The following CNTN4 variants were observed in gnomAD, a reference collection of about 807,000 sequenced individuals.
The protein encoded by CNTN4 is contactin-4.
Under a neutral mutation model 122.5 loss-of-function variants are expected in CNTN4, and 77 were observed. The ratio of observed to expected loss-of-function variants is 0.63; its 90% CI spans 0.52 to 0.76. The LOEUF (loss-of-function observed/expected upper bound fraction) is 0.76, where lower values mean the gene tolerates loss of function less well. CNTN4 is among the 30% of genes least tolerant of loss of function. The probability of loss-of-function intolerance (pLI) is 0.00; values close to 1 mark genes in which losing one functional copy is unlikely to be tolerated. For synonymous variants in CNTN4, 512 were observed against 447.0 expected (o/e 1.15, Z -1.83); for missense variants, 1,256 against 1,259.1 (o/e 1.00, Z 0.04).
chr3:3,039,137 C>T (rs1286553871), intron 19 of CNTN4, 134 bp downstream of exon 19: 2 of 782,912 alleles, frequency 2.6e-6, no homozygotes, highest in Admixed American at 2.0e-5. Context: ...CAGACACTCC[C>T]TCTCACGTAG....
At chr3:2,692,244 A>G (rs938657094) in intron 4 of CNTN4, among the ~76,000 whole-genome samples, 2 of 152,234 alleles carry the variant, frequency 1.3e-5, no homozygotes, top group Non-Finnish European at 2.9e-5. Flanking sequence ...AAAGTTGGCA[A>G]GAAGCAGCTT....
intron 2 of CNTN4, among the ~76,000 whole-genome samples, chr3:2,260,481 A>C (rs1483266758): frequency 6.6e-6 from 1 of 152,162 alleles, no homozygotes; most frequent in Non-Finnish European, 1.5e-5. Flanking sequence ...AGATTTAAGA[A>C]CAATAGAAAA....
At position 2,687,087 on chromosome 3, in the gene CNTN4, A is replaced by G. The variant is rs187836739; in HGVS notation, c.56-49128A>G. ...GGCAGACTTTAAATAGGGAACAGTG[A>G]TTTTTCTTCAGCCTAGTAATGTTTG... is the stretch of plus-strand genomic sequence containing the variant. On this transcript the variant is annotated intron_variant, in intron 4 of 24. Transcript: ENST00000418658. Among the ~76,000 whole-genome samples, 15 of 152,220 alleles carry G rather than the reference A, an allele frequency of 9.9e-5. No homozygotes were observed. In the East Asian group the frequency reaches 2.9e-3, roughly 29 times the overall value.
Position 3,042,348 on chromosome 3 carries a change from CTTTCT to C in CNTN4, c.2438_2442del (p.Leu813ArgfsTer5). 1 of 1,614,144 alleles carries C rather than the reference CTTTCT, an allele frequency of 6.2e-7. No homozygotes were observed. Among genetic ancestry groups the C allele is most frequent in the Non-Finnish European group, 8.5e-7 (1 of 1,179,992 alleles). ...ACCAGCCAGTATCTTTGCCAGAAGT[CTTTCT>C]GCCACAGATATTGAAGTTTTCTGGG... On this transcript the variant is annotated frameshift_variant, in exon 21 of 25. Coordinates refer to ENST00000418658, the MANE Select transcript of CNTN4 (RefSeq NM_175607.3). LOFTEE classifies it high-confidence loss of function.
At chr3:2,599,155 T>G (rs2080909978) in intron 4 of CNTN4, among the ~76,000 whole-genome samples, 1 of 152,144 alleles carries the variant, frequency 6.6e-6, no homozygotes, top group Admixed American at 6.6e-5. Flanking sequence ...TATCCACATG[T>G]AGGGACCATG....
intron 2 of CNTN4, among the ~76,000 whole-genome samples, chr3:2,302,502 G>T (rs995421095): frequency 6.6e-6 from 1 of 152,204 alleles, no homozygotes; most frequent in Non-Finnish European, 1.5e-5. Context: ...AATATATGTT[G>T]TGGGATAATC....
intron 3 of CNTN4, among the ~76,000 whole-genome samples, chr3:2,509,574 T>C (rs1432520814): frequency 6.6e-6 from 1 of 152,204 alleles, no homozygotes; most frequent in African/African-American, 2.4e-5. Flanking sequence ...GATACTTGAG[T>C]TGATAATGGG....
At chr3:2,935,575 C>A (rs886259270) in intron 13 of CNTN4, among the ~76,000 whole-genome samples, 3 of 152,120 alleles carry the variant, frequency 2.0e-5, no homozygotes, top group Admixed American at 1.3e-4. Context: ...CACGTATCTC[C>A]CTGGTACAAG....
intron 2 of CNTN4, among the ~76,000 whole-genome samples, chr3:2,261,878 A>G (rs1311414141): frequency 6.6e-6 from 1 of 152,120 alleles, no homozygotes. Flanking sequence ...GCATGTTGAA[A>G]GCGATTTTAT....
At chr3:2,854,561 C>G (rs1461823238) in intron 7 of CNTN4, among the ~76,000 whole-genome samples, 1 of 152,116 alleles carries the variant, frequency 6.6e-6, no homozygotes, top group African/African-American at 2.4e-5. Context: ...GCATGAGCCA[C>G]CCTGCCCGGC....
At chr3:2,431,900 G>A (rs906531769) in intron 3 of CNTN4, among the ~76,000 whole-genome samples, 1 of 152,150 alleles carries the variant, frequency 6.6e-6, no homozygotes. Flanking sequence ...ACACTAAAGA[G>A]AGAGTTGGGT....
chr3:2,149,311 C>G (rs1315435259), intron 2 of CNTN4, among the ~76,000 whole-genome samples: 1 of 152,088 alleles, frequency 6.6e-6, no homozygotes, highest in Non-Finnish European at 1.5e-5. Flanking sequence ...TACACACTTC[C>G]ATTTGTCTGT....
intron 13 of CNTN4, among the ~76,000 whole-genome samples, chr3:2,975,872 C>T (rs1693370858): frequency 6.6e-6 from 1 of 152,016 alleles, no homozygotes. Flanking sequence ...CTTTCCTGTC[C>T]TTACCCCCAT....
chr3:2,405,882 C>T (rs1261345638), intron 3 of CNTN4, among the ~76,000 whole-genome samples: 1 of 151,872 alleles, frequency 6.6e-6, no homozygotes, highest in South Asian at 2.1e-4. Flanking sequence ...CACAAATTAT[C>T]TGGGTGTGGT....
chr3:2,150,377 G>T (rs2035445261), intron 2 of CNTN4, among the ~76,000 whole-genome samples: 1 of 152,152 alleles, frequency 6.6e-6, no homozygotes, highest in Non-Finnish European at 1.5e-5. Flanking sequence ...GTAGACTTCT[G>T]CACATTCTTG....
chr3:2,161,073 C>T (rs547608872), intron 2 of CNTN4, among the ~76,000 whole-genome samples: 3 of 152,158 alleles, frequency 2.0e-5, no homozygotes, highest in East Asian at 3.9e-4. Flanking sequence ...GGAGGCTTCT[C>T]GGACAAGTAG....
intron 2 of CNTN4, among the ~76,000 whole-genome samples, chr3:2,235,500 G>T (rs553154203): frequency 7.9e-5 from 12 of 151,720 alleles, no homozygotes; most frequent in Non-Finnish European, 1.5e-4. Context: ...TCCTATAATT[G>T]TTTTTATAAA....
chr3:2,733,419 A>G (rs945568468), intron 4 of CNTN4, among the ~76,000 whole-genome samples: 1 of 152,052 alleles, frequency 6.6e-6, no homozygotes. Flanking sequence ...GTACTTAAAT[A>G]TGTTTTGAAA....
intron 7 of CNTN4, among the ~76,000 whole-genome samples, chr3:2,830,470 A>G (rs925819): frequency 0.1 from 15,359 of 152,228 alleles, 1,213 homozygotes; most frequent in East Asian, 0.42. Flanking sequence ...GCTGGACCAC[A>G]TGCAGAGCTT....
Sources: gnomAD v4.1 joint callset for allele counts (sites outside exome capture counted in the v4.1 genomes callset) on GRCh38, gnomAD v4.1.1 for gene constraint, MANE v1.5 for transcripts, NCBI Gene and HGNC (gene_info 2026-07-23, HGNC 2026-07-21) for gene names.